Variants in TYW1B observed in about 807,000 individuals in gnomAD.
The protein encoded by TYW1B is S-adenosyl-L-methionine-dependent tRNA 4-demethylwyosine synthase TYW1B.
In TYW1B, 73 loss-of-function variants were observed where a neutral mutation model predicts 86.9. The ratio of observed to expected loss-of-function variants is 0.84; its 90% CI spans 0.70 to 1.02. The LOEUF (loss-of-function observed/expected upper bound fraction) is 1.02, where lower values mean the gene tolerates loss of function less well. Among genes scored for constraint, TYW1B ranks in the 50% least tolerant of loss-of-function variants. The pLI is 0.00. For missense variants in TYW1B, 637 were observed against 827.4 expected (o/e 0.77, Z 2.82); for synonymous variants, 248 against 292.8 (o/e 0.85, Z 1.56).
At chr7:72,717,220 G>GA (rs1482016258) in intron 9 of TYW1B, among the ~76,000 whole-genome samples, 2 of 151,504 alleles carry the variant, frequency 1.3e-5, no homozygotes, top group Non-Finnish European at 2.9e-5. Flanking sequence ...AGAATCACTT[G>GA]AACCCTGGAG....
intron 11 of TYW1B, among the ~76,000 whole-genome samples, chr7:72,651,908 T>C (rs1813068449): frequency 6.6e-6 from 1 of 152,106 alleles, no homozygotes; most frequent in Non-Finnish European, 1.5e-5. Context: ...TAGACACAAA[T>C]TGGAAACAAT....
intron 11 of TYW1B, among the ~76,000 whole-genome samples, chr7:72,680,492 C>T (rs1465330494): frequency 6.6e-6 from 1 of 152,186 alleles, no homozygotes; most frequent in East Asian, 1.9e-4. Context: ...GCCAGGGGCT[C>T]TCAGGCCTTT....
At chr7:72,787,631 C>T (rs1456493429) in intron 6 of TYW1B, among the ~76,000 whole-genome samples, 1 of 151,296 alleles carries the variant, frequency 6.6e-6, no homozygotes, top group Non-Finnish European at 1.5e-5. Flanking sequence ...CTTAGCTGGT[C>T]GTGGTGGCGC....
intron 1 of TYW1B, 134 bp downstream of exon 1, chr7:72,827,938 G>C (rs1788969314): frequency 6.6e-7 from 1 of 1,515,812 alleles, no homozygotes; most frequent in Non-Finnish European, 8.9e-7. Context: ...TCTCAGCGGC[G>C]GCTAGCCGGT....
At chr7:72,814,204 G>A (rs1239951265) in intron 3 of TYW1B, among the ~76,000 whole-genome samples, 2 of 151,920 alleles carry the variant, frequency 1.3e-5, no homozygotes, top group African/African-American at 4.8e-5. Context: ...GGGGAAGGCT[G>A]GGCATATCTG....
At chr7:72,779,728 A>C (rs1788018169) in intron 6 of TYW1B, among the ~76,000 whole-genome samples, 1 of 150,278 alleles carries the variant, frequency 6.7e-6, no homozygotes, top group Admixed American at 6.6e-5. Flanking sequence ...AAAAAAAAAA[A>C]AAAAATTAAC....
rs1201497713 is a variant in TYW1B, at chr7:72,784,579, C to A, written c.847-7046G>T. Among the ~76,000 whole-genome samples, 10 of 152,162 alleles carry A rather than the reference C, an allele frequency of 6.6e-5. 1 individual carries two copies. Among genetic ancestry groups the A allele is most frequent in the Non-Finnish European group, 1.3e-4 (9 of 68,022 alleles). Reference sequence around the variant, plus strand: ...GAGGCGCAATCTCGGCTCACTGAAACCTCCATCTCTCAGGCTCAAGCGATT... The same window carrying A: ...GAGGCGCAATCTCGGCTCACTGAAAACTCCATCTCTCAGGCTCAAGCGATT... On this transcript the variant is annotated intron_variant, in intron 6 of 13. Transcript: ENST00000620995.
chr7:72,642,116 T>C (rs1554441527), intron 11 of TYW1B, among the ~76,000 whole-genome samples: 1 of 152,064 alleles, frequency 6.6e-6, no homozygotes, highest in Non-Finnish European at 1.5e-5. Flanking sequence ...ACAAAGACAA[T>C]TCAATGGGGA....
In TYW1B at chr7:72,707,325, A is replaced by G. The variant is rs1411785276; in HGVS notation, c.1370+6296T>C. On this transcript the variant is annotated intron_variant, in intron 10 of 13. Coordinates refer to ENST00000620995, the MANE Select transcript of TYW1B (RefSeq NM_001145440.3). ...TGCTGGGGGATGAGAGGTCATGTGA[A>G]TAGAGGCCCCTGGGCCCCAGCCCAG... is the stretch of plus-strand genomic sequence containing the variant. Among the ~76,000 whole-genome samples the G allele has an allele frequency of 2.0e-3, 308 of 152,366 alleles. 1 individual carries two copies. Among genetic ancestry groups the G allele is most frequent in the African/African-American group, 7.0e-3 (290 of 41,596 alleles).
In TYW1B at chr7:72,817,504, A is replaced by G. The variant is rs1788746246; in HGVS notation, c.136-2023T>C. On this transcript the variant is annotated intron_variant, in intron 2 of 13. Transcript: ENST00000620995. ...TGGATATTCGTCCCCTCCAAATATC[A>G]TTAACACGTAATCTCCAATGTTGGA... 1.3e-5 allele frequency among the ~76,000 whole-genome samples: 2 copies of G among 152,172 alleles called. 1 individual carries two copies. The highest frequency in any genetic ancestry group is 4.1e-4 in the South Asian group (2 of 4,832).
At chr7:72,585,441 T>C (rs1424386399) in intron 13 of TYW1B, among the ~76,000 whole-genome samples, 1 of 152,242 alleles carries the variant, frequency 6.6e-6, no homozygotes, top group Non-Finnish European at 1.5e-5. Context: ...ATACCATTCT[T>C]TATTTAAAAA....
At chr7:72,660,444 TA>T (rs1554444295) in intron 11 of TYW1B, among the ~76,000 whole-genome samples, 1 of 152,086 alleles carries the variant, frequency 6.6e-6, no homozygotes, top group African/African-American at 2.4e-5. Context: ...ACTTTATTTA[TA>T]AAAACAAGTC....
At position 72,744,483 on chromosome 7, in the gene TYW1B, C is replaced by G. The variant is rs782566385; in HGVS notation, c.1082+1G>C. The stretch of plus-strand genomic sequence containing the variant: ...CACCATGACCTTTCATTTTTACTTA[C>G]CACCAACAGAAGACACATTTATTAG... On this transcript the variant is annotated splice_donor_variant, in intron 8 of 13. Coordinates refer to ENST00000620995, the MANE Select transcript of TYW1B (RefSeq NM_001145440.3). LOFTEE classifies it high-confidence loss of function. 3.2e-5 allele frequency: 51 copies of G among 1,613,470 alleles called. No individual in the cohort carries two copies. In the South Asian group the frequency reaches 5.5e-4, roughly 17 times the overall value.
intron 10 of TYW1B, among the ~76,000 whole-genome samples, chr7:72,706,556 T>C (rs1216254170): frequency 6.6e-6 from 1 of 152,214 alleles, no homozygotes; most frequent in Admixed American, 6.5e-5. Context: ...ATATGCTTTC[T>C]TCCATTGTTC....
chr7:72,648,804 G>A (rs191193689), intron 11 of TYW1B, among the ~76,000 whole-genome samples: 16 of 152,254 alleles, frequency 1.1e-4, no homozygotes, highest in Admixed American at 9.2e-4. Flanking sequence ...TAAGCGGAGG[G>A]TGAAACCACA....
chr7:72,598,470 A>G (rs1554433087), intron 13 of TYW1B, among the ~76,000 whole-genome samples: 1 of 152,200 alleles, frequency 6.6e-6, no homozygotes, highest in Non-Finnish European at 1.5e-5. Flanking sequence ...AATATGCAGG[A>G]AAAGTTGTAC....
chr7:72,823,171 C>T (rs1201888406), intron 2 of TYW1B: 1 of 151,940 alleles, frequency 6.6e-6, no homozygotes, highest in East Asian at 2.0e-4. Context: ...CCACGCCCAG[C>T]TAATTTTTTG....
chr7:72,694,544 T>G, intron 11 of TYW1B, 143 bp downstream of exon 11: 3 of 1,259,564 alleles, frequency 2.4e-6, no homozygotes, highest in East Asian at 2.8e-5. Flanking sequence ...TCTAAAAAGT[T>G]GAACGCTATA....
chr7:72,577,111 G>C (rs1400441097), intron 13 of TYW1B, among the ~76,000 whole-genome samples: 1 of 151,218 alleles, frequency 6.6e-6, no homozygotes, highest in African/African-American at 2.4e-5. Flanking sequence ...TCAGTGATGA[G>C]AGTGAAACTC....
Sources: allele counts gnomAD v4.1 joint callset (sites outside exome capture counted in the v4.1 genomes callset), GRCh38; gene constraint gnomAD v4.1.1; transcripts MANE v1.5; gene names NCBI Gene and HGNC (gene_info 2026-07-23, HGNC 2026-07-21).